The following NFKB1 variants were observed in gnomAD, a reference collection of about 807,000 sequenced individuals.
NFKB1 encodes nuclear factor kappa B subunit 1, also known as nuclear factor NF-kappa-B p105 subunit.
Under a neutral mutation model 105.1 loss-of-function variants are expected in NFKB1, and 9 were observed. The observed-to-expected ratio is 0.09, with a 90% CI of 0.05 to 0.15. NFKB1 has a LOEUF of 0.15. NFKB1 is among the 10% of genes least tolerant of loss of function. The probability of loss-of-function intolerance (pLI) is 1.00; values close to 1 mark genes in which losing one functional copy is unlikely to be tolerated. For missense variants in NFKB1, 830 were observed against 1,203.7 expected (o/e 0.69, Z 4.59); for synonymous variants, 440 against 442.2 (o/e 1.00, Z 0.06).
At chr4:102,509,949 G>A (rs993321295) in intron 1 of NFKB1, among the ~76,000 whole-genome samples, 3 of 152,022 alleles carry the variant, frequency 2.0e-5, no homozygotes, top group Admixed American at 1.3e-4. Flanking sequence ...GCTGATTCTC[G>A]CACACCTCAC....
At chr4:102,579,198 G>A (rs1436040920) in intron 8 of NFKB1, among the ~76,000 whole-genome samples, 159 bp downstream of exon 8, 1 of 152,110 alleles carries the variant, frequency 6.6e-6, no homozygotes, top group Non-Finnish European at 1.5e-5. Context: ...AGCTTGAAAG[G>A]TTGATGTCCA....
chr4:102,577,677 G>A (rs901105022), intron 7 of NFKB1: 5 of 248,244 alleles, frequency 2.0e-5, no homozygotes, highest in East Asian at 1.8e-4. Context: ...ATTCAAAACC[G>A]ATTATCAGTT....
intron 5 of NFKB1, among the ~76,000 whole-genome samples, chr4:102,559,402 C>A (rs978511974): frequency 6.6e-6 from 1 of 151,786 alleles, no homozygotes; most frequent in Admixed American, 6.6e-5. Context: ...CATGGCATGG[C>A]ATGACATGGC....
chr4:102,514,942 T>A (rs920520074), intron 1 of NFKB1, among the ~76,000 whole-genome samples: 2 of 152,086 alleles, frequency 1.3e-5, no homozygotes, highest in Non-Finnish European at 2.9e-5. Flanking sequence ...ATGATATAAC[T>A]AGCCCAGTGT....
At chr4:102,583,076 C>T (rs1725441143) in intron 10 of NFKB1, 119 bp downstream of exon 10, 3 of 600,684 alleles carry the variant, frequency 5.0e-6, no homozygotes, top group South Asian at 5.4e-5. Flanking sequence ...AACTGTTGGG[C>T]TTGAGGGATC....
intron 5 of NFKB1, 114 bp from the exon 6 acceptor site, chr4:102,566,873 C>A: frequency 2.0e-6 from 2 of 1,004,264 alleles, no homozygotes; most frequent in Non-Finnish European, 3.0e-6. Context: ...CATGTATATA[C>A]ATATATGAAT....
chr4:102,507,338 G>A (rs1010928702), intron 1 of NFKB1, among the ~76,000 whole-genome samples: 1 of 152,088 alleles, frequency 6.6e-6, no homozygotes, highest in Non-Finnish European at 1.5e-5. Flanking sequence ...AACAAACAAG[G>A]CTCTAACTTT....
chr4:102,559,450 A>G (rs1267889358), intron 5 of NFKB1, among the ~76,000 whole-genome samples: 3 of 151,980 alleles, frequency 2.0e-5, no homozygotes, highest in African/African-American at 7.3e-5. Flanking sequence ...CCATGGGGAG[A>G]CAGGACAAGC....
chr4:102,587,054 T>C (rs1177851314), intron 11 of NFKB1, among the ~76,000 whole-genome samples: 1 of 152,244 alleles, frequency 6.6e-6, no homozygotes, highest in African/African-American at 2.4e-5. Context: ...GTCAGCACAA[T>C]AACTTTTCTT....
chr4:102,569,784 T>C (rs1240610763), intron 6 of NFKB1, among the ~76,000 whole-genome samples: 1 of 152,276 alleles, frequency 6.6e-6, no homozygotes, highest in East Asian at 1.9e-4. Context: ...AAGGATTTTA[T>C]CTATGTTATA....
At chr4:102,551,639 T>G (rs999970706) in intron 5 of NFKB1, among the ~76,000 whole-genome samples, 1 of 152,148 alleles carries the variant, frequency 6.6e-6, no homozygotes, top group Non-Finnish European at 1.5e-5. Flanking sequence ...ATCCCTGTTT[T>G]GGTAGTTCAG....
intron 1 of NFKB1, among the ~76,000 whole-genome samples, chr4:102,508,470 A>G (rs1055619438): frequency 1.3e-5 from 2 of 152,156 alleles, no homozygotes; most frequent in African/African-American, 2.4e-5. Context: ...TAAATCAGCA[A>G]TTGATTTACG....
At chr4:102,588,072 GGGTC>G (rs1725861075) in intron 11 of NFKB1, among the ~76,000 whole-genome samples, 1 of 151,886 alleles carries the variant, frequency 6.6e-6, no homozygotes, top group African/African-American at 2.4e-5. Context: ...ATTTATTTAT[GGGTC>G]TATTGTCTTC....
At chr4:102,551,349 T>C (rs983139554) in intron 5 of NFKB1, among the ~76,000 whole-genome samples, 2 of 128,028 alleles carry the variant, frequency 1.6e-5, no homozygotes, top group Non-Finnish European at 3.2e-5. Flanking sequence ...TCTAAATTGG[T>C]GTGTGTGTGT....
chr4:102,525,881 G>T (rs1420624657), intron 2 of NFKB1, among the ~76,000 whole-genome samples: 2 of 152,112 alleles, frequency 1.3e-5, no homozygotes, highest in African/African-American at 2.4e-5. Context: ...TCACAGTTCT[G>T]GGGGCTAGAA....
Position 102,525,482 on chromosome 4 carries a change from A to AGTTTT in NFKB1, c.-7-14_-7-10dup, listed in dbSNP as rs576104169. The AGTTTT allele has an allele frequency of 6.3e-5, 101 of 1,602,508 alleles. 1 individual carries two copies. The highest frequency in any genetic ancestry group is 3.8e-4 in the African/African-American group (28 of 74,652). On this transcript the variant is annotated intron_variant, in intron 1 of 23. Transcript: ENST00000226574. ...TTTTTAAAGTTCATTCTAGTGTTAC[A>AGTTTT]GTTTTGTTTTGTTTTGTTTTAATAC... is the stretch of plus-strand genomic sequence containing the variant.
At chr4:102,511,247 AAC>A (rs1171315777) in intron 1 of NFKB1, among the ~76,000 whole-genome samples, 3 of 152,252 alleles carry the variant, frequency 2.0e-5, no homozygotes, top group East Asian at 1.9e-4. Context: ...TTATTTCTTT[AAC>A]AGTGATTTAT....
At chr4:102,555,213 G>A (rs972375064) in intron 5 of NFKB1, among the ~76,000 whole-genome samples, 12 of 152,174 alleles carry the variant, frequency 7.9e-5, no homozygotes, top group Admixed American at 4.6e-4. Context: ...CAGCTGGATA[G>A]CCTGTTGGGC....
At chr4:102,551,375 C>CGCGCGT (rs1466013355) in intron 5 of NFKB1, among the ~76,000 whole-genome samples, 1 of 144,858 alleles carries the variant, frequency 6.9e-6, no homozygotes, top group Admixed American at 6.7e-5. Context: ...TGTGCGCGCG[C>CGCGCGT]GCATGTGTGT....
Sources: allele counts gnomAD v4.1 joint callset (sites outside exome capture counted in the v4.1 genomes callset), GRCh38; gene constraint gnomAD v4.1.1; transcripts MANE v1.5; gene names NCBI Gene and HGNC (gene_info 2026-07-23, HGNC 2026-07-21).